KCNMA1: variants seen among roughly 807,000 people sequenced by gnomAD.
KCNMA1 encodes Calcium-activated potassium channel subunit alpha-1.
KCNMA1 carries 29 observed loss-of-function variants against 140.0 expected under a neutral mutation model. That is an observed-to-expected ratio of 0.21 (90% confidence interval 0.15 to 0.28). KCNMA1 has a LOEUF of 0.28. Ranked by LOEUF, KCNMA1 falls within the 10% of genes least tolerant of loss-of-function variation. The pLI is 1.00. For missense variants in KCNMA1, 880 were observed against 1,602.2 expected (o/e 0.55, Z 7.70); for synonymous variants, 612 against 611.9 (o/e 1.00, Z 0.00).
chr10:77,609,142 T>C (rs2085722715), intron 1 of KCNMA1, among the ~76,000 whole-genome samples: 1 of 152,226 alleles, frequency 6.6e-6, no homozygotes, highest in Non-Finnish European at 1.5e-5. Context: ...GATGTCTGCA[T>C]TCCAATGTTC....
chr10:77,521,932 T>G (rs2053533615), intron 1 of KCNMA1, among the ~76,000 whole-genome samples: 1 of 152,156 alleles, frequency 6.6e-6, no homozygotes, highest in Middle Eastern at 3.4e-3. Context: ...TCCCAGCACT[T>G]TGGGAGGTCG....
chr10:77,067,100 G>A (rs1356694607), intron 14 of KCNMA1, among the ~76,000 whole-genome samples: 1 of 152,216 alleles, frequency 6.6e-6, no homozygotes, highest in Non-Finnish European at 1.5e-5. Context: ...TATTCTGGGT[G>A]TGTCTTTGAG....
At chr10:77,444,040 G>A in intron 1 of KCNMA1, among the ~76,000 whole-genome samples, 1 of 151,980 alleles carries the variant, frequency 6.6e-6, no homozygotes, top group Admixed American at 6.6e-5. Context: ...TTATTTATCA[G>A]TAAAAATAAA....
At chr10:77,591,368 C>G (rs2079097470) in intron 1 of KCNMA1, among the ~76,000 whole-genome samples, 1 of 152,214 alleles carries the variant, frequency 6.6e-6, no homozygotes. Context: ...TCAAGCCTGA[C>G]CACCTCCTCC....
At chr10:77,416,626 C>T (rs563093383) in intron 1 of KCNMA1, among the ~76,000 whole-genome samples, 1 of 152,236 alleles carries the variant, frequency 6.6e-6, no homozygotes, top group East Asian at 1.9e-4. Context: ...AGTCACAGCC[C>T]AGTGCCCCAC....
chr10:77,402,217 C>T (rs2096290678), intron 2 of KCNMA1, among the ~76,000 whole-genome samples: 1 of 152,206 alleles, frequency 6.6e-6, no homozygotes, highest in African/African-American at 2.4e-5. Context: ...CACTCCTCTT[C>T]AAGCATGAAA....
chr10:77,471,791 CAACA>C (rs2098161901), intron 1 of KCNMA1, among the ~76,000 whole-genome samples: 1 of 151,384 alleles, frequency 6.6e-6, no homozygotes, highest in Non-Finnish European at 1.5e-5. Flanking sequence ...TACACACACC[CAACA>C]AATATACACG....
chr10:77,222,242 G>A (rs2049934463), intron 3 of KCNMA1, among the ~76,000 whole-genome samples: 1 of 152,150 alleles, frequency 6.6e-6, no homozygotes, highest in Admixed American at 6.5e-5. Flanking sequence ...GATCACCCCT[G>A]GGAAATCCAT....
chr10:77,341,740 T>A (rs2090982351), intron 2 of KCNMA1, among the ~76,000 whole-genome samples: 1 of 152,224 alleles, frequency 6.6e-6, no homozygotes, highest in Admixed American at 6.5e-5. Flanking sequence ...CACGTCCACT[T>A]CATGACTGGC....
At chr10:77,364,030 T>C (rs1364556020) in intron 2 of KCNMA1, among the ~76,000 whole-genome samples, 2 of 152,194 alleles carry the variant, frequency 1.3e-5, no homozygotes, top group African/African-American at 4.8e-5. Context: ...GCCTGACACC[T>C]AGCAGATCCT....
intron 1 of KCNMA1, among the ~76,000 whole-genome samples, chr10:77,519,832 G>C (rs2052178222): frequency 6.6e-6 from 1 of 152,248 alleles, no homozygotes; most frequent in Non-Finnish European, 1.5e-5. Context: ...AAAGGGCCTT[G>C]TTTGAGGGTA....
intron 7 of KCNMA1, among the ~76,000 whole-genome samples, chr10:77,111,577 A>G (rs993522862): frequency 2.3e-4 from 35 of 152,174 alleles, no homozygotes; most frequent in African/African-American, 7.0e-4. Flanking sequence ...AGATCTGGTG[A>G]CTACGTGAGG....
chr10:76,932,526 C>T (rs1826429531), intron 23 of KCNMA1, among the ~76,000 whole-genome samples: 1 of 152,188 alleles, frequency 6.6e-6, no homozygotes, highest in Admixed American at 6.5e-5. Context: ...GCTATTTCTA[C>T]AGCCTTTGAT....
At position 77,457,399 on chromosome 10, in the gene KCNMA1, C is replaced by T. The variant is rs142349549; in HGVS notation, c.379-53376G>A. On this transcript the variant is annotated intron_variant, in intron 1 of 27. Coordinates refer to ENST00000286628, the MANE Select transcript of KCNMA1 (RefSeq NM_001161352.2). ...AACATGTCCATCATTATATCTATCA[C>T]CTCTGGGTATCCTGCCCTCCCCAGA... Among the ~76,000 whole-genome samples the T allele has an allele frequency of 6.0e-3, 915 of 152,232 alleles. 10 individuals carry two copies. Among genetic ancestry groups the T allele is most frequent in the African/African-American group, 0.02 (846 of 41,526 alleles).
intron 14 of KCNMA1, among the ~76,000 whole-genome samples, chr10:77,063,045 T>A (rs193170050): frequency 7.2e-5 from 11 of 152,296 alleles, no homozygotes; most frequent in Non-Finnish European, 1.5e-5. Context: ...AGACATTAGG[T>A]TCTTTGCATT....
At chr10:77,046,631 T>C (rs112104974) in intron 14 of KCNMA1, among the ~76,000 whole-genome samples, 88 of 152,364 alleles carry the variant, frequency 5.8e-4, no homozygotes, top group African/African-American at 2.0e-3. Flanking sequence ...GACTTCATCA[T>C]GGGACTTGTC....
At chr10:77,506,750 G>A (rs183877854) in intron 1 of KCNMA1, among the ~76,000 whole-genome samples, 1,723 of 148,582 alleles carry the variant, frequency 0.012, 19 homozygotes, top group Middle Eastern at 0.036. Flanking sequence ...GTTTGTTAGA[G>A]AGGGAGAGAG....
chr10:77,041,553 G>A (rs1043712690), intron 14 of KCNMA1, among the ~76,000 whole-genome samples: 1 of 152,082 alleles, frequency 6.6e-6, no homozygotes, highest in Admixed American at 6.5e-5. Context: ...TGCCTGCCTC[G>A]GCCTCCCAAA....
At chr10:77,128,361 A>C (rs550395587) in intron 5 of KCNMA1, among the ~76,000 whole-genome samples, 38 of 150,140 alleles carry the variant, frequency 2.5e-4, no homozygotes, top group South Asian at 2.1e-3. Flanking sequence ...CCTTTTTTTA[A>C]AATTTTTTTG....
Sources: allele counts gnomAD v4.1 joint callset (sites outside exome capture counted in the v4.1 genomes callset), GRCh38; gene constraint gnomAD v4.1.1; transcripts MANE v1.5; gene names NCBI Gene and HGNC (gene_info 2026-07-23, HGNC 2026-07-21).